MAGEA11: variants seen among roughly 807,000 people sequenced by gnomAD.
The protein encoded by MAGEA11 is MAGE family member A11.
Under a neutral mutation model 8.4 loss-of-function variants are expected in MAGEA11, and 1 was observed. That is an observed-to-expected ratio of 0.12 (90% CI 0.04 to 0.57). MAGEA11 has a LOEUF of 0.57. Among genes scored for constraint, MAGEA11 ranks in the 20% least tolerant of loss-of-function variants. MAGEA11 has a pLI of 0.91. For missense variants in MAGEA11, 209 were observed against 317.3 expected (o/e 0.66, Z 2.59); for synonymous variants, 127 against 119.3 (o/e 1.06, Z -0.42).
At position 149,716,844 on chromosome X, in the gene MAGEA11, C is replaced by A; in HGVS notation, c.*68C>A. On this transcript the variant is annotated 3_prime_UTR_variant, in exon 5 of 5. Transcript: ENST00000355220. The stretch of plus-strand genomic sequence containing the variant: ...ATGCATGCTTCAGGGCCACACCCAG[C>A]AGTTTCCCTGTCCTGTGTGAAATCA... 1 of 1,023,897 alleles carries A rather than the reference C, an allele frequency of 9.8e-7. No homozygotes were observed. Among genetic ancestry groups the A allele is most frequent in the Non-Finnish European group, 1.3e-6 (1 of 752,408 alleles). The allele number at this position is 1,023,897 out of a possible 1,213,427, so 84.4% of individuals were successfully genotyped here.
chrX:149,708,753 T>A (rs1320609944), upstream of MAGEA11, among the ~76,000 whole-genome samples: 1 of 111,048 alleles, frequency 9.0e-6, no homozygotes, highest in African/African-American at 3.3e-5. Context: ...TTGGATCCAG[T>A]ATTCTATCCA....
At chrX:149,711,951 C>T (rs1297869688), upstream of MAGEA11, 2 of 488,097 alleles carry the variant, frequency 4.1e-6, no homozygotes, top group African/African-American at 2.8e-5. Context: ...CCCCGCCTCG[C>T]CTCGCCCCGC....
intron 1 of MAGEA11, among the ~76,000 whole-genome samples, chrX:149,699,194 T>C (rs782158130): frequency 8.9e-6 from 1 of 112,244 alleles, no homozygotes; most frequent in African/African-American, 3.2e-5. Context: ...AATAATATAT[T>C]ATTTCGCATG....
intron 1 of MAGEA11, among the ~76,000 whole-genome samples, chrX:149,691,167 T>G (rs2090308687): frequency 1.8e-5 from 2 of 111,881 alleles, no homozygotes; most frequent in African/African-American, 3.2e-5. Flanking sequence ...TTTGCGATTT[T>G]TTTTTTAGTT....
chrX:149,692,255 A>T (rs1449603724), intron 1 of MAGEA11, among the ~76,000 whole-genome samples: 1 of 111,276 alleles, frequency 9.0e-6, no homozygotes, highest in African/African-American at 3.3e-5. Context: ...AAAAATACAA[A>T]AATCACCTGG....
chrX:149,706,362 G>A (rs915913229), intron 1 of MAGEA11, among the ~76,000 whole-genome samples: 2 of 111,422 alleles, frequency 1.8e-5, no homozygotes, highest in Non-Finnish European at 3.8e-5. Flanking sequence ...TCTTTGGGTA[G>A]CTGACAAAAC....
chrX:149,704,783 C>G (rs782742858), intron 1 of MAGEA11, among the ~76,000 whole-genome samples: 3 of 112,475 alleles, frequency 2.7e-5, no homozygotes, highest in South Asian at 7.4e-4. Flanking sequence ...CCTGCCTGGC[C>G]TGGTCTCTTT....
intron 1 of MAGEA11, chrX:149,689,044 T>C: frequency 4.3e-6 from 4 of 934,707 alleles, no homozygotes; most frequent in Non-Finnish European, 5.8e-6. Context: ...CAGGACCAAC[T>C]AATTCAGTAA....
upstream of MAGEA11, chrX:149,711,841 T>A: frequency 1.3e-6 from 1 of 741,224 alleles, no homozygotes; most frequent in Non-Finnish European, 1.6e-6. Flanking sequence ...CTGCAAGGAA[T>A]CAAGGTCAGA....
intron 1 of MAGEA11, among the ~76,000 whole-genome samples, chrX:149,704,300 G>A (rs1361797832): frequency 3.6e-5 from 4 of 112,269 alleles, no homozygotes; most frequent in Admixed American, 1.9e-4. Context: ...GTTCAGAACC[G>A]CGACCCCTGC....
At chrX:149,706,053 CTT>C (rs1173361326) in intron 1 of MAGEA11, among the ~76,000 whole-genome samples, 3 of 112,080 alleles carry the variant, frequency 2.7e-5, no homozygotes, top group South Asian at 3.7e-4. Flanking sequence ...TTCATGACAT[CTT>C]GCAGGGCTCC....
intron 1 of MAGEA11, among the ~76,000 whole-genome samples, chrX:149,692,446 G>T (rs2090314412): frequency 2.7e-5 from 3 of 110,825 alleles, no homozygotes; most frequent in Non-Finnish European, 5.7e-5. Flanking sequence ...AAAGCCCCTA[G>T]TTAGTGGTTG....
Position 149,716,762 on chromosome X carries a change from G to A in MAGEA11, c.1276G>A (p.Gly426Arg). The A allele has an allele frequency of 1.7e-6, 2 of 1,193,442 alleles. No individual in the cohort carries two copies. Among genetic ancestry groups the A allele is most frequent in the Non-Finnish European group, 2.3e-6 (2 of 885,959 alleles). Reference protein sequence around the residue: ...SLYEDALREEGEGV With the variant: ...SLYEDALREEREGV Reference sequence around the variant, plus strand: ...GTATGAAGATGCTTTGAGAGAGGAGGGAGAGGGAGTCTGAGCATGAGATGC... The same window carrying A: ...GTATGAAGATGCTTTGAGAGAGGAGAGAGAGGGAGTCTGAGCATGAGATGC... Residue 426 changes from glycine (G) to arginine (R), a missense_variant, in exon 5 of 5, where the codon GGA becomes AGA. Transcript: ENST00000355220.
At chrX:149,700,453 C>A (rs1049456656) in intron 1 of MAGEA11, among the ~76,000 whole-genome samples, 19 of 110,466 alleles carry the variant, frequency 1.7e-4, no homozygotes, top group Non-Finnish European at 3.4e-4. Context: ...GTGATTTTTT[C>A]TTTTGCCCGT....
chrX:149,704,773 C>G (rs1248594850), intron 1 of MAGEA11, among the ~76,000 whole-genome samples: 1 of 112,393 alleles, frequency 8.9e-6, no homozygotes, highest in Non-Finnish European at 1.9e-5. Flanking sequence ...TTGCTGTGTA[C>G]CTGCCTGGCC....
chrX:149,688,523 T>G (rs1173189877), upstream of MAGEA11, among the ~76,000 whole-genome samples: 1 of 111,379 alleles, frequency 9.0e-6, no homozygotes, highest in Non-Finnish European at 1.9e-5. Flanking sequence ...TGAAGCTGCT[T>G]CGGGAACCAA....
At chrX:149,711,967 C>A, upstream of MAGEA11, 1 of 649,385 alleles carries the variant, frequency 1.5e-6, no homozygotes, top group Non-Finnish European at 1.8e-6. Context: ...CCCGCCCCGC[C>A]TCGCCTCGCC....
At chrX:149,689,611 T>G (rs1213054025) in intron 1 of MAGEA11, among the ~76,000 whole-genome samples, 3 of 112,391 alleles carry the variant, frequency 2.7e-5, no homozygotes, top group African/African-American at 9.7e-5. Context: ...TACAGAACAC[T>G]GGGGATGCCC....
intron 1 of MAGEA11, among the ~76,000 whole-genome samples, chrX:149,705,248 T>C (rs1263399604): frequency 8.9e-6 from 1 of 111,886 alleles, no homozygotes; most frequent in Non-Finnish European, 1.9e-5. Flanking sequence ...TTCCCATGTG[T>C]CGTGAGAGGG....
Sources: allele counts gnomAD v4.1 joint callset (sites outside exome capture counted in the v4.1 genomes callset), GRCh38; gene constraint gnomAD v4.1.1; transcripts MANE v1.5; gene names NCBI Gene and HGNC (gene_info 2026-07-23, HGNC 2026-07-21).